LMNTD1: variants seen among roughly 807,000 people sequenced by gnomAD.
LMNTD1 encodes the protein lamin tail domain containing 1, also known as lamin tail domain-containing protein 1.
In LMNTD1, 35 loss-of-function variants were observed where a neutral mutation model predicts 50.9. The observed-to-expected ratio is 0.69, with a 90% CI of 0.53 to 0.91. LMNTD1 has a LOEUF of 0.91. Ranked by LOEUF, LMNTD1 falls within the 40% of genes least tolerant of loss-of-function variation. The pLI, the probability that LMNTD1 is intolerant of heterozygous loss-of-function variation, is 0.00. For synonymous variants in LMNTD1, 153 were observed against 161.9 expected (o/e 0.94, Z 0.42); for missense variants, 470 against 475.5 (o/e 0.99, Z 0.11).
At position 25,561,112 on chromosome 12, in the gene LMNTD1, T is replaced by C. The variant is rs557122480; in HGVS notation, c.59-14558A>G. 3.3e-5 allele frequency among the ~76,000 whole-genome samples: 5 copies of C among 152,356 alleles called. No homozygotes were observed. In the East Asian group the frequency reaches 9.6e-4, roughly 29 times the overall value. On this transcript the variant is annotated intron_variant, in intron 1 of 7. Coordinates refer to the LMNTD1 transcript ENST00000445693. ...ACACCAGCTCCTTGATTCATTGATT[T>C]TTTGAAGGGTTTTTTGTGTCTCTAT...
chr12:25,508,723 G>C (rs987781442), intron 8 of LMNTD1, among the ~76,000 whole-genome samples: 1 of 152,144 alleles, frequency 6.6e-6, no homozygotes, highest in Non-Finnish European at 1.5e-5. Context: ...CAGACTTCTA[G>C]TACAATGTTG....
At chr12:25,488,856 C>T (rs1411028488) in intron 9 of LMNTD1, among the ~76,000 whole-genome samples, 1 of 152,192 alleles carries the variant, frequency 6.6e-6, no homozygotes, top group African/African-American at 2.4e-5. Flanking sequence ...AGACAGGATC[C>T]TCAGCTGCAG....
chr12:25,604,126 C>A (rs1434141537), intron 1 of LMNTD1, among the ~76,000 whole-genome samples: 5 of 152,092 alleles, frequency 3.3e-5, no homozygotes, highest in Admixed American at 6.6e-5. Context: ...GGCAGAGAAT[C>A]TGCTTCCTCT....
chr12:25,552,109 C>T (rs1470634041), intron 2 of LMNTD1, among the ~76,000 whole-genome samples: 1 of 152,036 alleles, frequency 6.6e-6, no homozygotes. Flanking sequence ...ATTATGTATA[C>T]TCAATAAGTC....
At chr12:25,646,433 A>C (rs1947072797) in intron 1 of LMNTD1, among the ~76,000 whole-genome samples, 1 of 151,990 alleles carries the variant, frequency 6.6e-6, no homozygotes, top group Non-Finnish European at 1.5e-5. Flanking sequence ...CTCTCTTTCC[A>C]ATGGTCTTCT....
intron 9 of LMNTD1, among the ~76,000 whole-genome samples, chr12:25,478,735 G>A (rs1017864105): frequency 1.3e-5 from 2 of 152,114 alleles, no homozygotes; most frequent in Admixed American, 1.3e-4. Flanking sequence ...GCAGTGAGCC[G>A]AGACTGTGCC....
intron 8 of LMNTD1, among the ~76,000 whole-genome samples, chr12:25,505,518 T>C (rs1022719259): frequency 6.6e-6 from 1 of 152,184 alleles, no homozygotes; most frequent in African/African-American, 2.4e-5. Flanking sequence ...TATTCTTTTT[T>C]TAAAAAGTCC....
At chr12:25,518,317 T>C (rs1314275779) in intron 8 of LMNTD1, among the ~76,000 whole-genome samples, 3 of 152,204 alleles carry the variant, frequency 2.0e-5, no homozygotes, top group Non-Finnish European at 4.4e-5. Flanking sequence ...TAAAATCCAT[T>C]CACAGAGTGT....
rs977271131 is a variant in LMNTD1 at position 25,476,341 on chromosome 12, C to T, written c.*142G>A. 1 of 152,110 alleles carries T rather than the reference C, an allele frequency of 6.6e-6. No individual in the cohort carries two copies. The highest frequency in any genetic ancestry group is 2.4e-5 in the African/African-American group (1 of 41,408). 9.4% of individuals were successfully genotyped at this position (152,110 alleles called of 1,614,324 possible). On this transcript the variant is annotated 3_prime_UTR_variant, in exon 10 of 10. Coordinates refer to ENST00000458174, the MANE Select transcript of LMNTD1 (RefSeq NM_001145728.2). ...GCAATACAAATTTTGGATCCTTTTTCCATATAGAAATGTGATGTCTTCACC... is the reference window on the plus strand; with the variant it reads ...GCAATACAAATTTTGGATCCTTTTTTCATATAGAAATGTGATGTCTTCACC...
At chr12:25,559,573 G>C (rs1167941215) in intron 1 of LMNTD1, among the ~76,000 whole-genome samples, 3 of 152,146 alleles carry the variant, frequency 2.0e-5, no homozygotes, top group Non-Finnish European at 4.4e-5. Flanking sequence ...TAATGGGATG[G>C]CTGGGTCAAA....
At chr12:25,506,196 G>A (rs972458864) in intron 8 of LMNTD1, among the ~76,000 whole-genome samples, 1 of 152,194 alleles carries the variant, frequency 6.6e-6, no homozygotes, top group African/African-American at 2.4e-5. Context: ...TTTCATTCCT[G>A]CGTAAGGTTA....
chr12:25,584,649 G>A (rs1387460804), intron 1 of LMNTD1, among the ~76,000 whole-genome samples: 3 of 152,188 alleles, frequency 2.0e-5, no homozygotes, highest in African/African-American at 7.2e-5. Flanking sequence ...TTAACATCTG[G>A]TTTGACATCT....
chr12:25,559,525 T>C (rs575547933), intron 1 of LMNTD1, among the ~76,000 whole-genome samples: 1 of 152,378 alleles, frequency 6.6e-6, no homozygotes, highest in African/African-American at 2.4e-5. Context: ...TGTGTCATTA[T>C]AGCAGCATGA....
chr12:25,546,840 A>G (rs1434646992), intron 3 of LMNTD1, among the ~76,000 whole-genome samples: 1 of 151,636 alleles, frequency 6.6e-6, no homozygotes, highest in Non-Finnish European at 1.5e-5. Context: ...CTGATTATTT[A>G]GTTGTACTAG....
At chr12:25,613,029 G>T (rs1378408759) in intron 1 of LMNTD1, among the ~76,000 whole-genome samples, 1 of 152,130 alleles carries the variant, frequency 6.6e-6, no homozygotes, top group Non-Finnish European at 1.5e-5. Context: ...CATGGAACGA[G>T]GACAGATTCC....
chr12:25,567,914 C>A (rs1305500949), intron 1 of LMNTD1, among the ~76,000 whole-genome samples: 2 of 150,874 alleles, frequency 1.3e-5, no homozygotes, highest in Non-Finnish European at 3.0e-5. Context: ...AAAATGGGTA[C>A]TGAGAAGTGG....
chr12:25,611,383 G>C (rs1014448046), intron 1 of LMNTD1, among the ~76,000 whole-genome samples: 1 of 152,208 alleles, frequency 6.6e-6, no homozygotes, highest in Non-Finnish European at 1.5e-5. Flanking sequence ...TTTAGGAGGG[G>C]TTGTTTTGTT....
intron 9 of LMNTD1, among the ~76,000 whole-genome samples, chr12:25,498,862 C>T (rs1032436324): frequency 6.6e-6 from 1 of 152,094 alleles, no homozygotes; most frequent in African/African-American, 2.4e-5. Flanking sequence ...TCTTCATTTT[C>T]TCTAGACTTG....
At chr12:25,519,586 T>TTAAAAAAAAAAAAAAAAAA (rs781742784) in intron 7 of LMNTD1, among the ~76,000 whole-genome samples, 15 of 74,952 alleles carry the variant, frequency 2.0e-4, no homozygotes, top group Non-Finnish European at 2.3e-4. Flanking sequence ...AGACTCTGTC[T>TTAAAAAAAAAAAAAAAAAA]CAAAAAAAAA....
Sources: gnomAD v4.1 joint callset for allele counts (sites outside exome capture counted in the v4.1 genomes callset) on GRCh38, gnomAD v4.1.1 for gene constraint, MANE v1.5 for transcripts, NCBI Gene and HGNC (gene_info 2026-07-23, HGNC 2026-07-21) for gene names.